Variants in GRID2 observed in about 807,000 individuals in gnomAD.
GRID2 encodes the protein glutamate ionotropic receptor delta type subunit 2, also known as glutamate receptor ionotropic, delta-2.
Under a neutral mutation model 114.8 loss-of-function variants are expected in GRID2, and 33 were observed. The ratio of observed to expected loss-of-function variants is 0.29; its 90% CI spans 0.22 to 0.38. The LOEUF is 0.38. Among genes scored for constraint, GRID2 ranks in the 10% least tolerant of loss-of-function variants. The pLI is 1.00. For synonymous variants in GRID2, 505 were observed against 449.9 expected, an observed-to-expected ratio of 1.12 and a Z score of -1.55; for missense variants, 1,184 against 1,257.7, an observed-to-expected ratio of 0.94 and a Z score of 0.89.
chr4:93,564,893 T>C (rs1227955551), intron 13 of GRID2, among the ~76,000 whole-genome samples: 1 of 152,118 alleles, frequency 6.6e-6, no homozygotes, highest in Non-Finnish European at 1.5e-5. Context: ...TTGTAACTAC[T>C]CACCTGATAA....
intron 1 of GRID2, among the ~76,000 whole-genome samples, chr4:92,459,379 A>G (rs1429429461): frequency 6.6e-6 from 1 of 152,214 alleles, no homozygotes; most frequent in African/African-American, 2.4e-5. Flanking sequence ...TAATTAATAT[A>G]GTGAAAAATG....
At chr4:93,749,784 A>G (rs1338067314) in intron 14 of GRID2, among the ~76,000 whole-genome samples, 1 of 152,224 alleles carries the variant, frequency 6.6e-6, no homozygotes, top group Non-Finnish European at 1.5e-5. Context: ...TTTGCTCTCC[A>G]TCTCTTAGCC....
chr4:93,451,250 T>C (rs1485133374), intron 10 of GRID2, among the ~76,000 whole-genome samples: 5 of 152,092 alleles, frequency 3.3e-5, no homozygotes, highest in African/African-American at 1.2e-4. Flanking sequence ...ATATGTAAGA[T>C]TGCAGCTGTC....
intron 2 of GRID2, among the ~76,000 whole-genome samples, chr4:92,668,036 C>T (rs1397370964): frequency 1.3e-5 from 2 of 151,740 alleles, no homozygotes; most frequent in Non-Finnish European, 2.9e-5. Flanking sequence ...CTGTCCTTAT[C>T]CTTTCCTGAT....
intron 1 of GRID2, among the ~76,000 whole-genome samples, chr4:92,445,225 T>C (rs1268022672): frequency 1.3e-5 from 2 of 152,232 alleles, no homozygotes; most frequent in Non-Finnish European, 2.9e-5. Context: ...GTCTAGCAAG[T>C]AGCAGATGGG....
intron 2 of GRID2, among the ~76,000 whole-genome samples, chr4:92,742,990 A>G (rs77212871): frequency 1.3e-5 from 2 of 152,182 alleles, no homozygotes; most frequent in Admixed American, 1.3e-4. Context: ...AATCTAAAAA[A>G]TAAGGGCCAG....
intron 2 of GRID2, among the ~76,000 whole-genome samples, chr4:92,974,397 T>C (rs1046673066): frequency 4.6e-5 from 7 of 152,148 alleles, no homozygotes; most frequent in East Asian, 1.9e-4. Flanking sequence ...TGTATCTTTA[T>C]TGTGGCACTG....
rs199673377 is a variant in GRID2, at chr4:93,769,436, G to A, written c.2587G>A (p.Val863Ile). The A allele has an allele frequency of 7.2e-5, 116 of 1,613,760 alleles. No homozygotes were observed. The highest frequency in any genetic ancestry group is 3.3e-4 in the Middle Eastern group (2 of 6,058). Residue 863 changes from valine (V) to isoleucine (I), a missense_variant, in exon 15 of 16, where the codon GTT (valine) becomes ATT (isoleucine). Val to Ile is a conservative substitution (Grantham distance 29). Around this residue, in one of 3 missense-constraint regions of GRID2, gnomAD observed 717 missense variants for 796.9 expected, o/e 0.90. Coordinates refer to ENST00000282020, the MANE Select transcript of GRID2 (RefSeq NM_001510.4). ...GTGGAACAAGAGGAAAGGCTCCCGG[G>A]TTCCATCAAAAGAGGTACTTGATTG... ...TWWNKRKGSR[V>I]PSKEDDKEID...
chr4:93,685,310 T>C (rs573080829), intron 14 of GRID2, among the ~76,000 whole-genome samples: 7 of 152,080 alleles, frequency 4.6e-5, no homozygotes, highest in Non-Finnish European at 1.0e-4. Flanking sequence ...TTCTTTGATC[T>C]TGGGACTTGT....
rs35103752 is a variant in GRID2 at position 92,481,981 on chromosome 4, GATATATATATATATATAT to G, written c.89-108114_89-108097del. ...AGTGGTGGACTGGAGAATAAAATGT[GATATATATATATATATAT>G]ATATATATATATATATATATATATA... On this transcript the variant is annotated intron_variant, in intron 1 of 15. Coordinates refer to ENST00000282020, the MANE Select transcript of GRID2 (RefSeq NM_001510.4). 5.8e-3 allele frequency among the ~76,000 whole-genome samples: 272 copies of G among 47,230 alleles called. 2 individuals carry two copies. The highest frequency in any genetic ancestry group is 0.014 in the Middle Eastern group (1 of 74). 31.0% of individuals were successfully genotyped at this position (47,230 alleles called of 152,430 possible). A position where few individuals can be genotyped will look rare whatever the true frequency, so the allele number is the denominator to read the frequency against.
chr4:92,950,714 T>G (rs1751967663), intron 2 of GRID2, among the ~76,000 whole-genome samples: 1 of 152,228 alleles, frequency 6.6e-6, no homozygotes, highest in Non-Finnish European at 1.5e-5. Flanking sequence ...ATTTTGTCTT[T>G]ACTTTCCATT....
intron 10 of GRID2, among the ~76,000 whole-genome samples, chr4:93,428,621 C>T (rs1399392000): frequency 6.6e-6 from 1 of 152,040 alleles, no homozygotes; most frequent in Non-Finnish European, 1.5e-5. Context: ...TTCTATTGTA[C>T]TTGAATTACA....
At chr4:92,618,187 G>A (rs1730094641) in intron 2 of GRID2, among the ~76,000 whole-genome samples, 1 of 151,534 alleles carries the variant, frequency 6.6e-6, no homozygotes. Context: ...TTTCTGCATA[G>A]TGTGAAAGGT....
intron 2 of GRID2, among the ~76,000 whole-genome samples, chr4:92,599,297 T>G (rs1199657290): frequency 6.6e-6 from 1 of 152,106 alleles, no homozygotes; most frequent in Non-Finnish European, 1.5e-5. Context: ...AATAAGGCGC[T>G]GAGTCATAGC....
chr4:92,569,511 T>C (rs1727506510), intron 1 of GRID2, among the ~76,000 whole-genome samples: 2 of 152,142 alleles, frequency 1.3e-5, no homozygotes. Flanking sequence ...TTGGGTTAAA[T>C]GGTATTTCTG....
chr4:92,594,840 C>T (rs913366735), intron 2 of GRID2, among the ~76,000 whole-genome samples: 1 of 151,888 alleles, frequency 6.6e-6, no homozygotes, highest in Non-Finnish European at 1.5e-5. Flanking sequence ...ACACTGCTGT[C>T]GTTTCTGAAA....
At chr4:92,858,579 A>G (rs1300232666) in intron 2 of GRID2, among the ~76,000 whole-genome samples, 1 of 152,070 alleles carries the variant, frequency 6.6e-6, no homozygotes, top group Non-Finnish European at 1.5e-5. Context: ...TTCTTTTGAG[A>G]CGGAGTCTCA....
At chr4:92,439,696 C>G (rs1049243485) in intron 1 of GRID2, among the ~76,000 whole-genome samples, 3 of 145,582 alleles carry the variant, frequency 2.1e-5, no homozygotes, top group African/African-American at 7.3e-5. Context: ...AATGGAATAA[C>G]AGAAGGAGAA....
intron 8 of GRID2, among the ~76,000 whole-genome samples, chr4:93,335,311 G>T (rs1187069599): frequency 1.3e-5 from 2 of 152,152 alleles, no homozygotes; most frequent in African/African-American, 4.8e-5. Flanking sequence ...GTAGTGAGAG[G>T]TAATTGTGTC....
Sources: allele counts gnomAD v4.1 joint callset (sites outside exome capture counted in the v4.1 genomes callset), GRCh38; gene constraint gnomAD v4.1.1; regional missense constraint gnomAD v4.1.1; transcripts MANE v1.5; gene names NCBI Gene and HGNC (gene_info 2026-07-23, HGNC 2026-07-21).